BCL11A: variants seen among roughly 807,000 people sequenced by gnomAD.
BCL11A encodes BCL11 transcription factor A.
In BCL11A, 2 loss-of-function variants were observed where a neutral mutation model predicts 55.9. That is an observed-to-expected ratio of 0.04 (90% CI 0.01 to 0.11). BCL11A has a LOEUF of 0.11. BCL11A is among the 10% of genes least tolerant of loss of function. BCL11A has a pLI of 1.00. For missense variants in BCL11A, 817 were observed against 1,137.1 expected (o/e 0.72, Z 4.05); for synonymous variants, 465 against 473.4 (o/e 0.98, Z 0.23).
chr2:60,497,414 A>G (rs916035474), intron 2 of BCL11A, among the ~76,000 whole-genome samples: 16 of 152,170 alleles, frequency 1.1e-4, no homozygotes, highest in African/African-American at 2.4e-5. Flanking sequence ...ATCCCTAGAA[A>G]CTAGCCCTCA....
intron 2 of BCL11A, among the ~76,000 whole-genome samples, chr2:60,501,505 C>CTTTTTTTTTTTTT (rs11366853): frequency 1.7e-5 from 2 of 119,726 alleles, no homozygotes; most frequent in African/African-American, 3.2e-5. Context: ...ACACCGCTTT[C>CTTTTTTTTTTTTT]TTTTTTTTTT....
chr2:60,539,539 A>G (rs891883907), intron 2 of BCL11A, among the ~76,000 whole-genome samples: 4 of 152,222 alleles, frequency 2.6e-5, no homozygotes, highest in Non-Finnish European at 5.9e-5. Flanking sequence ...AGGGAGACAA[A>G]TTCCAATGAA....
rs36105824 is a variant in BCL11A, at chr2:60,457,670, G to GTT, written c.*2732_*2733dup. The GTT allele has an allele frequency of 5.4e-4, 498 of 922,428 alleles. No homozygotes were observed. The highest frequency in any genetic ancestry group is 1.6e-3 in the Middle Eastern group (3 of 1,926). 57.1% of individuals were successfully genotyped at this position (922,428 alleles called of 1,614,324 possible). A position where few individuals can be genotyped will look rare whatever the true frequency, so the allele number is the denominator to read the frequency against. ...CAATGAAAAAAACTGCAAAACATTG[G>GTT]TTTTTTTTTTTTTTTCCTTTTTTTT... is the stretch of plus-strand genomic sequence containing the variant. On this transcript the variant is annotated 3_prime_UTR_variant, in exon 4 of 4. Coordinates refer to ENST00000642384, the MANE Select transcript of BCL11A (RefSeq NM_022893.4).
chr2:60,471,836 A>G (rs984483625), intron 2 of BCL11A, among the ~76,000 whole-genome samples: 16 of 152,212 alleles, frequency 1.1e-4, no homozygotes, highest in African/African-American at 3.6e-4. Context: ...TTCAAAATGC[A>G]AATTCTTGGG....
chr2:60,543,424 T>C (rs1339762625), intron 2 of BCL11A: 1 of 152,258 alleles, frequency 6.6e-6, no homozygotes, highest in Non-Finnish European at 1.5e-5. Context: ...ATTACTGTTA[T>C]TGTTTCCTTC....
intron 3 of BCL11A, among the ~76,000 whole-genome samples, chr2:60,463,538 G>A (rs1676438577): frequency 6.6e-6 from 1 of 152,210 alleles, no homozygotes; most frequent in South Asian, 2.1e-4. Context: ...GAGGGGCCCT[G>A]CTTAAGTCAC....
intron 3 of BCL11A, among the ~76,000 whole-genome samples, chr2:60,468,032 G>C (rs1016066462): frequency 2.1e-5 from 3 of 145,990 alleles, no homozygotes; most frequent in Admixed American, 6.7e-5. Flanking sequence ...GGTAGTGGTG[G>C]TGATGGTGGT....
At chr2:60,451,733 T>C (rs1675730583) in exon 5 of BCL11A, 1 of 230,320 alleles carries the variant, frequency 4.3e-6, no homozygotes, top group African/African-American at 2.2e-5. Context: ...GCTCGCCCAG[T>C]GATGTTCTTT....
intron 2 of BCL11A, among the ~76,000 whole-genome samples, chr2:60,500,616 G>A (rs553998476): frequency 5.3e-5 from 8 of 152,326 alleles, no homozygotes; most frequent in African/African-American, 1.9e-4. Context: ...TTCAGAGCTA[G>A]GCTGGTGGCT....
intron 2 of BCL11A, among the ~76,000 whole-genome samples, chr2:60,497,267 C>T (rs947945901): frequency 3.3e-5 from 5 of 152,216 alleles, no homozygotes; most frequent in African/African-American, 1.2e-4. Context: ...TACCACTGTG[C>T]ATCCTTTTGT....
rs1676034797 is a variant in BCL11A at position 60,458,156 on chromosome 2, A to T, written c.*2248T>A. ...AACACTAGATGAACATTTAATTCAA[A>T]TACCATTCTAGAAATACAGAAAAAA... On this transcript the variant is annotated 3_prime_UTR_variant, in exon 4 of 4. Transcript: ENST00000642384. 9.7e-7 allele frequency: 1 copy of T among 1,027,346 alleles called. No individual in the cohort carries two copies. Among genetic ancestry groups the T allele is most frequent in the African/African-American group, 1.7e-5 (1 of 59,096 alleles). 63.6% of individuals were successfully genotyped at this position (1,027,346 alleles called of 1,614,324 possible).
intron 2 of BCL11A, among the ~76,000 whole-genome samples, chr2:60,530,218 T>C (rs946488742): frequency 6.6e-6 from 1 of 151,806 alleles, no homozygotes; most frequent in African/African-American, 2.4e-5. Context: ...AGAGCACCTT[T>C]TCCCCACCCC....
rs1372768776 is a variant in BCL11A at position 60,459,150 on chromosome 2, C to G, written c.*1254G>C. 1 of 1,023,968 alleles carries G rather than the reference C, an allele frequency of 9.8e-7. No homozygotes were observed. Among genetic ancestry groups the G allele is most frequent in the East Asian group, 6.4e-5 (1 of 15,652 alleles). The allele number at this position is 1,023,968 out of a possible 1,614,324, so 63.4% of individuals were successfully genotyped here. On this transcript the variant is annotated 3_prime_UTR_variant, in exon 4 of 4. Coordinates refer to ENST00000642384, the MANE Select transcript of BCL11A (RefSeq NM_022893.4). The stretch of plus-strand genomic sequence containing the variant: ...ATAAATCATATTATTTTCTTCTGTT[C>G]CCCTCTGTCAAACCTTATTGTCAGC...
intron 2 of BCL11A, chr2:60,522,564 G>A (rs1355023405): frequency 6.6e-6 from 1 of 152,220 alleles, no homozygotes; most frequent in Non-Finnish European, 1.5e-5. Flanking sequence ...AAGCCACCTT[G>A]CATGTCAGCC....
chr2:60,491,933 C>T (rs1280014961), intron 2 of BCL11A, among the ~76,000 whole-genome samples: 1 of 152,158 alleles, frequency 6.6e-6, no homozygotes, highest in Non-Finnish European at 1.5e-5. Flanking sequence ...TCAGATATTG[C>T]ATTTACGCTA....
At chr2:60,548,344 T>G (rs977203116) in intron 1 of BCL11A, among the ~76,000 whole-genome samples, 4 of 151,990 alleles carry the variant, frequency 2.6e-5, no homozygotes, top group Non-Finnish European at 4.4e-5. Flanking sequence ...TTTTTTTTTT[T>G]TTGTTCCCAA....
intron 2 of BCL11A, among the ~76,000 whole-genome samples, chr2:60,469,850 G>C (rs930372766): frequency 2.0e-5 from 3 of 152,216 alleles, no homozygotes; most frequent in African/African-American, 7.2e-5. Context: ...TGGTGCAGGA[G>C]ACGCTCTGTG....
chr2:60,452,562 G>A, downstream of BCL11A: 2 of 1,610,662 alleles, frequency 1.2e-6, no homozygotes, highest in Non-Finnish European at 1.7e-6. Context: ...ACCCCTGGGG[G>A]CTTCAAATTT....
chr2:60,468,026 G>GTGATGGTGC lies in BCL11A; in HGVS notation c.487+705_487+706insGCACCATCA, dbSNP rs1676963395. On this transcript the variant is annotated intron_variant, in intron 3 of 3. Transcript: ENST00000642384. Reference sequence around the variant, plus strand: ...GGTGGTGATGGTGGTGGTGGTGGTAGTGGTGGTGATGGTGGTGATGGTACT... The same window carrying GTGATGGTGC: ...GGTGGTGATGGTGGTGGTGGTGGTAGTGATGGTGCTGGTGGTGATGGTGGTGATGGTACT... Among the ~76,000 whole-genome samples, 3 of 87,948 alleles carry GTGATGGTGC rather than the reference G, an allele frequency of 3.4e-5. 1 individual carries two copies. Among genetic ancestry groups the GTGATGGTGC allele is most frequent in the African/African-American group, 1.4e-4 (3 of 20,718 alleles). The allele number at this position is 87,948 out of a possible 152,430, so 57.7% of individuals were successfully genotyped here.
Sources: allele counts gnomAD v4.1 joint callset (sites outside exome capture counted in the v4.1 genomes callset), GRCh38; gene constraint gnomAD v4.1.1; transcripts MANE v1.5; gene names NCBI Gene and HGNC (gene_info 2026-07-23, HGNC 2026-07-21).